Variants in PHACTR1 observed in about 807,000 individuals in gnomAD.
PHACTR1 encodes RPEL repeat containing 1.
A neutral mutation model predicts 69.2 loss-of-function variants in PHACTR1; 16 were observed. The observed-to-expected ratio is 0.23, with a 90% confidence interval of 0.16 to 0.35. PHACTR1 has a LOEUF of 0.35. Ranked by LOEUF, PHACTR1 falls within the 10% of genes least tolerant of loss-of-function variation. PHACTR1 has a pLI of 1.00. For synonymous variants in PHACTR1, 312 were observed against 284.5 expected (o/e 1.10, Z -0.97); for missense variants, 510 against 734.7 (o/e 0.69, Z 3.54).
At chr6:13,192,059 A>T (rs901093411) in intron 7 of PHACTR1, among the ~76,000 whole-genome samples, 4 of 152,242 alleles carry the variant, frequency 2.6e-5, no homozygotes, top group Non-Finnish European at 5.9e-5. Flanking sequence ...TAATTCACTC[A>T]GCACTTATGT....
chr6:12,834,122 A>G (rs1299504707), intron 4 of PHACTR1, among the ~76,000 whole-genome samples: 3 of 152,156 alleles, frequency 2.0e-5, no homozygotes, highest in African/African-American at 7.2e-5. Flanking sequence ...ATACTTGTCC[A>G]CTGCTTTTAT....
intron 12 of PHACTR1, chr6:13,281,512 G>A (rs2127479536): frequency 6.6e-6 from 2 of 301,792 alleles, no homozygotes; most frequent in Non-Finnish European, 7.0e-6. Flanking sequence ...CGAGATCATT[G>A]CACCATTGAA....
intron 4 of PHACTR1, among the ~76,000 whole-genome samples, chr6:12,897,698 T>TTTTTTATTATTA (rs1405192047): frequency 6.7e-6 from 1 of 148,832 alleles, no homozygotes; most frequent in African/African-American, 2.5e-5. Flanking sequence ...TTTGTAATCT[T>TTTTTTATTATTA]TTATTATTAT....
intron 4 of PHACTR1, among the ~76,000 whole-genome samples, chr6:13,048,157 A>AT (rs1460778167): frequency 6.6e-6 from 1 of 152,130 alleles, no homozygotes; most frequent in East Asian, 1.9e-4. Context: ...GTTCTCTTGG[A>AT]TGGTAGAGCA....
chr6:13,111,199 G>A (rs11755240), intron 5 of PHACTR1, among the ~76,000 whole-genome samples: 32,509 of 152,066 alleles, frequency 0.21, 3,597 homozygotes, highest in Middle Eastern at 0.24. Flanking sequence ...CCATATTGCC[G>A]TCTAGATAGA....
chr6:13,163,279 T>C (rs1327489148), intron 6 of PHACTR1, among the ~76,000 whole-genome samples: 2 of 152,168 alleles, frequency 1.3e-5, no homozygotes, highest in Non-Finnish European at 2.9e-5. Context: ...TGTACATACA[T>C]ACATAAATAA....
chr6:13,176,058 G>A (rs956738976), intron 6 of PHACTR1, among the ~76,000 whole-genome samples: 16 of 152,118 alleles, frequency 1.1e-4, no homozygotes, highest in African/African-American at 3.9e-4. Context: ...AAGAGGGTAG[G>A]CAAGCAGAAG....
At chr6:13,255,719 T>G (rs933127081) in intron 10 of PHACTR1, among the ~76,000 whole-genome samples, 2 of 152,258 alleles carry the variant, frequency 1.3e-5, no homozygotes, top group African/African-American at 4.8e-5. Context: ...CTCTTTTGAC[T>G]CCATGTCCCA....
At chr6:13,085,966 A>G (rs941766565) in intron 5 of PHACTR1, among the ~76,000 whole-genome samples, 1 of 151,784 alleles carries the variant, frequency 6.6e-6, no homozygotes, top group East Asian at 1.9e-4. Context: ...TAATGAATCA[A>G]AAACAATTTA....
intron 5 of PHACTR1, among the ~76,000 whole-genome samples, chr6:13,133,231 CT>C (rs1561876343): frequency 2.8e-4 from 16 of 57,886 alleles, no homozygotes; most frequent in African/African-American, 1.1e-3. Context: ...CCCCCTCCCC[CT>C]CTCCCTCTCC....
intron 4 of PHACTR1, among the ~76,000 whole-genome samples, chr6:12,916,679 T>A (rs1052340040): frequency 3.9e-4 from 60 of 152,260 alleles, no homozygotes; most frequent in African/African-American, 1.4e-3. Flanking sequence ...GCCATGTCTC[T>A]GCAGTTGGGA....
At chr6:13,040,178 C>T (rs1803927565) in intron 4 of PHACTR1, among the ~76,000 whole-genome samples, 2 of 152,178 alleles carry the variant, frequency 1.3e-5, no homozygotes, top group African/African-American at 4.8e-5. Flanking sequence ...CACATCAATA[C>T]ATCATAACCT....
intron 14 of PHACTR1, among the ~76,000 whole-genome samples, 192 bp from the exon 15 acceptor site, chr6:13,286,871 G>C (rs563938408): frequency 6.6e-6 from 1 of 152,204 alleles, no homozygotes; most frequent in Non-Finnish European, 1.5e-5. Flanking sequence ...AGGAGGTGGA[G>C]GCCACCAGGG....
At chr6:12,734,581 T>G (rs1763997261) in intron 3 of PHACTR1, among the ~76,000 whole-genome samples, 3 of 152,194 alleles carry the variant, frequency 2.0e-5, no homozygotes, top group African/African-American at 7.2e-5. Flanking sequence ...CATTACTTCC[T>G]ATTGTCTGGA....
At chr6:13,263,341 C>T (rs1465813620) in intron 10 of PHACTR1, among the ~76,000 whole-genome samples, 3 of 69,176 alleles carry the variant, frequency 4.3e-5, no homozygotes, top group African/African-American at 1.3e-4. Context: ...ATTGTTCAGA[C>T]TGAAAAAAAA....
chr6:12,953,484 T>A (rs9473074), intron 4 of PHACTR1, among the ~76,000 whole-genome samples: 2,195 of 152,328 alleles, frequency 0.014, 44 homozygotes, highest in African/African-American at 0.05. Context: ...TGCCTTAGCC[T>A]GTTTGCAAAT....
At chr6:13,107,077 G>A (rs1448926793) in intron 5 of PHACTR1, among the ~76,000 whole-genome samples, 3 of 149,386 alleles carry the variant, frequency 2.0e-5, no homozygotes, top group Non-Finnish European at 4.5e-5. Flanking sequence ...TGAGTTAGGA[G>A]ATGTTTCCTT....
intron 4 of PHACTR1, among the ~76,000 whole-genome samples, chr6:13,026,573 G>T (rs367694561): frequency 6.6e-6 from 1 of 152,036 alleles, no homozygotes; most frequent in African/African-American, 2.4e-5. Flanking sequence ...GGAAGGAGAC[G>T]GATTTCTCTT....
intron 9 of PHACTR1, among the ~76,000 whole-genome samples, chr6:13,229,261 C>T (rs757206587): frequency 5.9e-5 from 9 of 152,172 alleles, no homozygotes; most frequent in African/African-American, 1.2e-4. Context: ...GGCCTCTGTC[C>T]GCTAGATGCC....
Sources: allele counts gnomAD v4.1 joint callset (sites outside exome capture counted in the v4.1 genomes callset), GRCh38; gene constraint gnomAD v4.1.1; transcripts MANE v1.5; gene names NCBI Gene and HGNC (gene_info 2026-07-23, HGNC 2026-07-21).